Variants in ALDH1A2 observed in about 807,000 individuals in gnomAD.
The protein encoded by ALDH1A2 is retinal dehydrogenase 2.
A neutral mutation model predicts 60.3 loss-of-function variants in ALDH1A2; 27 were observed. The observed-to-expected ratio is 0.45, with a 90% CI of 0.33 to 0.62. The LOEUF (loss-of-function observed/expected upper bound fraction) is 0.62, where lower values mean the gene tolerates loss of function less well. Ranked by LOEUF, ALDH1A2 falls within the 20% of genes least tolerant of loss-of-function variation. ALDH1A2 has a pLI of 0.02. For missense variants in ALDH1A2, 581 were observed against 643.8 expected (o/e 0.90, Z 1.06); for synonymous variants, 289 against 232.4 (o/e 1.24, Z -2.21).
At chr15:58,039,951 A>T (rs1299418696) in intron 1 of ALDH1A2, among the ~76,000 whole-genome samples, 2 of 151,894 alleles carry the variant, frequency 1.3e-5, no homozygotes, top group African/African-American at 4.8e-5. Flanking sequence ...AAAGTAAATG[A>T]TAATCAGCCC....
At chr15:57,969,190 C>G (rs1314565042) in intron 7 of ALDH1A2, among the ~76,000 whole-genome samples, 1 of 152,184 alleles carries the variant, frequency 6.6e-6, no homozygotes, top group Non-Finnish European at 1.5e-5. Flanking sequence ...AACACATATT[C>G]ATAGTTCTCC....
intron 1 of ALDH1A2, among the ~76,000 whole-genome samples, chr15:58,052,292 A>C (rs1896794630): frequency 6.6e-6 from 1 of 152,138 alleles, no homozygotes; most frequent in Non-Finnish European, 1.5e-5. Context: ...TCAGATGCCC[A>C]TAATCCCAAG....
chr15:58,056,737 G>T (rs368416698), intron 1 of ALDH1A2, among the ~76,000 whole-genome samples: 3 of 152,038 alleles, frequency 2.0e-5, no homozygotes, highest in Non-Finnish European at 4.4e-5. Flanking sequence ...ATGAGCAAAT[G>T]ATAAATTAGC....
intron 7 of ALDH1A2, among the ~76,000 whole-genome samples, chr15:57,987,982 G>C (rs768888088): frequency 6.6e-6 from 1 of 151,542 alleles, no homozygotes; most frequent in African/African-American, 2.4e-5. Flanking sequence ...TACAAGAAAC[G>C]TTAAAGATCG....
At chr15:57,997,431 C>A (rs562507015) in intron 4 of ALDH1A2, among the ~76,000 whole-genome samples, 1 of 151,900 alleles carries the variant, frequency 6.6e-6, no homozygotes, top group South Asian at 2.1e-4. Flanking sequence ...AGTCACAGAC[C>A]ACAGAATCAG....
intron 4 of ALDH1A2, among the ~76,000 whole-genome samples, chr15:57,997,040 G>T (rs370474962): frequency 1.3e-4 from 19 of 151,998 alleles, no homozygotes; most frequent in African/African-American, 3.9e-4. Flanking sequence ...CTTATCTCTT[G>T]ACTTTGTTTT....
chr15:57,966,042 C>A (rs552046314), intron 7 of ALDH1A2, among the ~76,000 whole-genome samples: 17 of 152,260 alleles, frequency 1.1e-4, no homozygotes, highest in African/African-American at 3.6e-4. Flanking sequence ...GCTTTAGTTT[C>A]GTGATGGAAG....
chr15:57,979,403 T>C (rs1356154948), intron 7 of ALDH1A2, among the ~76,000 whole-genome samples: 7 of 152,208 alleles, frequency 4.6e-5, no homozygotes, highest in African/African-American at 9.6e-5. Flanking sequence ...CTCCGGGTAC[T>C]GGTTCCCTCC....
intron 7 of ALDH1A2, among the ~76,000 whole-genome samples, chr15:57,978,414 G>A (rs572791573): frequency 1.9e-4 from 29 of 152,306 alleles, no homozygotes; most frequent in Admixed American, 5.2e-4. Flanking sequence ...GAATTTTATT[G>A]AAGGACTTTT....
chr15:57,997,126 T>C lies in ALDH1A2; in HGVS notation c.494-1987A>G, dbSNP rs548385316. On this transcript the variant is annotated intron_variant, in intron 4 of 12. Coordinates refer to ENST00000249750, the MANE Select transcript of ALDH1A2 (RefSeq NM_003888.4). ...GTATGAAATTAATTTAAAATATCTA[T>C]TACGAGAAAAAATAGCGAAGATGTT... Among the ~76,000 whole-genome samples, 279 of 152,196 alleles carry C rather than the reference T, an allele frequency of 1.8e-3. 1 individual carries two copies. Among genetic ancestry groups the C allele is most frequent in the Non-Finnish European group, 3.2e-3 (220 of 67,962 alleles).
intron 7 of ALDH1A2, among the ~76,000 whole-genome samples, chr15:57,990,813 T>C (rs142398313): frequency 6.9e-6 from 1 of 145,728 alleles, no homozygotes; most frequent in African/African-American, 2.5e-5. Flanking sequence ...GGGGCGGAGG[T>C]TGCTGTGAGA....
chr15:58,019,058 G>C (rs539965061), intron 1 of ALDH1A2, among the ~76,000 whole-genome samples: 1 of 152,186 alleles, frequency 6.6e-6, no homozygotes, highest in South Asian at 2.1e-4. Context: ...ATAATTGTAA[G>C]ATCATTTGGG....
At position 57,965,754 on chromosome 15, in the gene ALDH1A2, C is replaced by T. The variant is rs1893873976; in HGVS notation, c.872G>A (p.Ser291Asn). Residue 291 changes from serine to asparagine, a missense_variant, in exon 8 of 13, where the codon AGT becomes AAT. By Grantham distance (46) the Ser-to-Asn change is conservative. Coordinates refer to ENST00000249750, the MANE Select transcript of ALDH1A2 (RefSeq NM_003888.4). ...KRVTLELGGK[S>N]PNIIFADADL... ...AGCATCAGCAAAAATAATATTAGGACTTTTGCCTCCAAGTTCCAGAGTTAC... is the reference window on the plus strand; with the variant it reads ...AGCATCAGCAAAAATAATATTAGGATTTTTGCCTCCAAGTTCCAGAGTTAC... The T allele has an allele frequency of 6.2e-7, 1 of 1,614,106 alleles. No individual in the cohort carries two copies.
intron 1 of ALDH1A2, among the ~76,000 whole-genome samples, chr15:58,030,604 C>T (rs749437353): frequency 3.3e-5 from 5 of 152,062 alleles, no homozygotes; most frequent in African/African-American, 7.2e-5. Context: ...CAAATTGTCC[C>T]GGTTTGCAGG....
chr15:57,953,947 G>A lies in ALDH1A2; in HGVS notation c.*1250C>T, dbSNP rs1203427218. ...GGTGGAGTCACTGGAAAGCAGAAGAGGAGTATGTGGATGGGAAGAAAGGGA... is the reference window on the plus strand; with the variant it reads ...GGTGGAGTCACTGGAAAGCAGAAGAAGAGTATGTGGATGGGAAGAAAGGGA... On this transcript the variant is annotated 3_prime_UTR_variant, in exon 13 of 13. Transcript: ENST00000249750. The A allele has an allele frequency of 1.3e-5, 2 of 152,484 alleles. No homozygotes were observed. The highest frequency in any genetic ancestry group is 4.8e-5 in the African/African-American group (2 of 41,460). The allele number at this position is 152,484 out of a possible 1,614,324, so 9.4% of individuals were successfully genotyped here.
intron 1 of ALDH1A2, among the ~76,000 whole-genome samples, chr15:58,019,136 T>C (rs1425530606): frequency 1.3e-5 from 2 of 152,150 alleles, no homozygotes; most frequent in Non-Finnish European, 2.9e-5. Flanking sequence ...AAATCTGAAA[T>C]TATTTCAAAA....
intron 7 of ALDH1A2, among the ~76,000 whole-genome samples, chr15:57,988,285 C>A (rs1363320850): frequency 6.6e-6 from 1 of 152,116 alleles, no homozygotes; most frequent in African/African-American, 2.4e-5. Context: ...GATTGAGGTG[C>A]ATATTGTACA....
rs1305416922 is a variant in ALDH1A2 at position 58,030,135 on chromosome 15, C to T, written c.118-15854G>A. ...CCCTGATGGACACTGCTATGAAAAT[C>T]CTCAATAAAATACTGGCAAACCAAA... On this transcript the variant is annotated intron_variant, in intron 1 of 12. Coordinates refer to ENST00000249750, the MANE Select transcript of ALDH1A2 (RefSeq NM_003888.4). 2.6e-5 allele frequency among the ~76,000 whole-genome samples: 4 copies of T among 152,146 alleles called. No individual in the cohort carries two copies. The South Asian group carries it at 6.2e-4, about 24-fold the overall frequency.
Position 58,010,729 on chromosome 15 carries a change from A to G in ALDH1A2, c.413T>C (p.Val138Ala). The change falls in exon 4 of 13, where the codon GTG (valine) becomes GCG (alanine). Residue 138 changes from valine (V) to alanine (A), a missense_variant. Physicochemically the swap from Val to Ala is moderately conservative, Grantham distance 64. This residue lies in a region of ALDH1A2 where 206 missense variants were observed against 174.1 expected (regional missense o/e 1.18). Transcript: ENST00000249750. ...GGKPFLQAFY[V>A]DLQGVIKTFR... The stretch of plus-strand genomic sequence containing the variant: ...GGTTTTGATGACGCCCTGCAAATCC[A>G]CATAAAAAGCTTGCAGGAATGGTTT... 1 of 1,613,584 alleles carries G rather than the reference A, an allele frequency of 6.2e-7. No individual in the cohort carries two copies. The highest frequency in any genetic ancestry group is 8.5e-7 in the Non-Finnish European group (1 of 1,179,580).
Sources: gnomAD v4.1 joint callset for allele counts (sites outside exome capture counted in the v4.1 genomes callset) on GRCh38, gnomAD v4.1.1 for gene constraint, gnomAD v4.1.1 regional missense constraint, MANE v1.5 for transcripts, NCBI Gene and HGNC (gene_info 2026-07-23, HGNC 2026-07-21) for gene names.